The following ATP6V1G3 variants were observed in gnomAD, a reference collection of about 807,000 sequenced individuals.
ATP6V1G3 encodes ATPase H+ transporting V1 subunit G3.
In ATP6V1G3, 9 loss-of-function variants were observed where a neutral mutation model predicts 9.3. That is an observed-to-expected ratio of 0.97 (90% CI 0.59 to 1.69). ATP6V1G3 has a LOEUF of 1.69. ATP6V1G3 is among the 40% of genes most tolerant of loss of function. The pLI is 0.00. For missense variants in ATP6V1G3, 133 were observed against 139.0 expected (o/e 0.96, Z 0.22); for synonymous variants, 43 against 43.8 (o/e 0.98, Z 0.07).
intron 1 of ATP6V1G3, among the ~76,000 whole-genome samples, chr1:198,530,405 CTAAGTA>C (rs1455889510): frequency 6.6e-6 from 1 of 152,128 alleles, no homozygotes; most frequent in Admixed American, 6.6e-5. Context: ...TCTTTCCCTT[CTAAGTA>C]TGAGTTGCTT....
At chr1:198,525,090 C>T (rs1659602246) in intron 2 of ATP6V1G3, among the ~76,000 whole-genome samples, 3 of 152,082 alleles carry the variant, frequency 2.0e-5, no homozygotes, top group Non-Finnish European at 2.9e-5. Flanking sequence ...TGCAGAATAA[C>T]ATTTTGATAA....
chr1:198,529,196 AT>A lies in ATP6V1G3; in HGVS notation c.83-16del. ...CTTTCCTTTTCCTGAAAATTAACAA[AT>A]ATATATATATATATATATAATTATA... On this transcript the variant is annotated splice_polypyrimidine_tract_variant and intron_variant, in intron 1 of 2. Coordinates refer to ENST00000367382, the MANE Select transcript of ATP6V1G3 (RefSeq NM_001376861.1). The A allele has an allele frequency of 5.0e-6, 1 of 201,828 alleles. No homozygotes were observed. The highest frequency in any genetic ancestry group is 7.3e-6 in the Non-Finnish European group (1 of 136,688). 12.5% of individuals were successfully genotyped at this position (201,828 alleles called of 1,614,324 possible). A position where few individuals can be genotyped will look rare whatever the true frequency, so the allele number is the denominator to read the frequency against.
chr1:198,534,878 C>T (rs1290183827), intron 1 of ATP6V1G3, among the ~76,000 whole-genome samples: 1 of 152,122 alleles, frequency 6.6e-6, no homozygotes, highest in Non-Finnish European at 1.5e-5. Context: ...TCAAAGAATG[C>T]TATTATTTTT....
At chr1:198,529,948 G>GA (rs1659829319) in intron 1 of ATP6V1G3, among the ~76,000 whole-genome samples, 2 of 152,080 alleles carry the variant, frequency 1.3e-5, no homozygotes, top group East Asian at 1.9e-4. Flanking sequence ...CGAATACAAT[G>GA]CTGTGGTAAT....
intron 2 of ATP6V1G3, 145 bp from the exon 3 acceptor site, chr1:198,523,709 A>G: frequency 1.4e-6 from 1 of 690,172 alleles, no homozygotes; most frequent in South Asian, 2.3e-5. Flanking sequence ...CAACAAGATC[A>G]TCAATGCCAT....
intron 1 of ATP6V1G3, among the ~76,000 whole-genome samples, chr1:198,536,335 C>T (rs1011974111): frequency 3.3e-5 from 5 of 152,116 alleles, no homozygotes; most frequent in African/African-American, 1.2e-4. Flanking sequence ...GTCTCTGTTC[C>T]TCCTGTTGAT....
chr1:198,539,261 T>A (rs911692849), intron 1 of ATP6V1G3, among the ~76,000 whole-genome samples: 2 of 152,246 alleles, frequency 1.3e-5, no homozygotes, highest in African/African-American at 4.8e-5. Flanking sequence ...ACTGACTTTC[T>A]TATGTTGTAA....
rs1287705815 is a variant in ATP6V1G3, at chr1:198,533,399, G to C, written c.83-4218C>G. On this transcript the variant is annotated intron_variant, in intron 1 of 2. Coordinates refer to ENST00000367382, the MANE Select transcript of ATP6V1G3 (RefSeq NM_001376861.1). ...CAAGAAGATCAGTCTGAAATTTGTT[G>C]CAATTGTTCAGGCAAATTTAATAAT... 2.0e-5 allele frequency among the ~76,000 whole-genome samples: 3 copies of C among 152,066 alleles called. No homozygotes were observed. The South Asian group carries it at 6.2e-4, about 32-fold the overall frequency.
intron 1 of ATP6V1G3, among the ~76,000 whole-genome samples, chr1:198,536,494 TAAGTA>T (rs1660118760): frequency 6.6e-6 from 1 of 152,202 alleles, no homozygotes; most frequent in South Asian, 2.1e-4. Flanking sequence ...AACAATTTAT[TAAGTA>T]AAGAGCATTG....
intron 1 of ATP6V1G3, chr1:198,536,615 C>G (rs993375081): frequency 2.2e-6 from 3 of 1,358,378 alleles, no homozygotes; most frequent in African/African-American, 2.9e-5. Flanking sequence ...AGAGCTTTAA[C>G]TAATAAATAT....
chr1:198,538,891 C>CAAAAAAAAAAAAAAA (rs71569596), intron 1 of ATP6V1G3, among the ~76,000 whole-genome samples: 81 of 97,196 alleles, frequency 8.3e-4, no homozygotes, highest in African/African-American at 2.4e-3. Context: ...GACCCTGTCT[C>CAAAAAAAAAAAAAAA]AAAAAAAAAA....
chr1:198,540,576 G>A lies in ATP6V1G3; in HGVS notation c.75C>T (p.Ala25=), dbSNP rs2103149074. Residue 25 remains alanine (A), a synonymous_variant, in exon 1 of 3, where the codon GCC becomes GCT. Transcript: ENST00000367382. ...CTCACAGGTGAGACTTACTCTTCTT[G>A]GCTTCCTCTAGCTTGTCCTTGGCCC... ...EKRAKDKLEE[A]KKRKGKRLKQ... is the part of the protein sequence containing the mutation. 1 of 1,613,758 alleles carries A rather than the reference G, an allele frequency of 6.2e-7. No individual in the cohort carries two copies. Among genetic ancestry groups the A allele is most frequent in the Non-Finnish European group, 8.5e-7 (1 of 1,179,716 alleles).
chr1:198,533,686 A>G (rs79554100), intron 1 of ATP6V1G3, among the ~76,000 whole-genome samples: 2,850 of 152,266 alleles, frequency 0.019, 73 homozygotes, highest in African/African-American at 0.063. Flanking sequence ...GGAGTCATCA[A>G]CTTGAAGCTG....
Position 198,523,574 on chromosome 1 carries a change from C to T in ATP6V1G3, c.184-10G>A. ...TCTGAGAGCCCATTATCTACCAAAA[C>T]AAAACAGACAGAATTCACATCATAA... On this transcript the variant is annotated splice_polypyrimidine_tract_variant and intron_variant, in intron 2 of 2. Transcript: ENST00000367382. The T allele has an allele frequency of 1.2e-6, 2 of 1,606,856 alleles. No individual in the cohort carries two copies. Among genetic ancestry groups the T allele is most frequent in the Non-Finnish European group, 1.7e-6 (2 of 1,177,024 alleles).
At chr1:198,528,653 A>G (rs921133623) in intron 2 of ATP6V1G3, among the ~76,000 whole-genome samples, 5 of 152,130 alleles carry the variant, frequency 3.3e-5, no homozygotes, top group Admixed American at 1.3e-4. Flanking sequence ...ATTTGCAACA[A>G]TATCTACTTT....
chr1:198,540,531 G>A, intron 1 of ATP6V1G3, 38 bp downstream of exon 1: 2 of 1,589,280 alleles, frequency 1.3e-6, no homozygotes, highest in Middle Eastern at 1.7e-4. Context: ...CCACTGCTTT[G>A]TTTATTTCGT....
chr1:198,524,248 A>G (rs1173324951), intron 2 of ATP6V1G3, among the ~76,000 whole-genome samples: 1 of 150,904 alleles, frequency 6.6e-6, no homozygotes, highest in East Asian at 2.0e-4. Flanking sequence ...CCTCAGCCTC[A>G]CAAGTAGCTG....
In ATP6V1G3 at chr1:198,536,701, G is replaced by A. The variant is rs76330087; in HGVS notation, c.82+3868C>T. 5,923 of 1,606,386 alleles carry A rather than the reference G, an allele frequency of 3.7e-3. 154 individuals carry two copies. In the African/African-American group the frequency reaches 0.064, roughly 17 times the overall value. On this transcript the variant is annotated intron_variant, in intron 1 of 2. Transcript: ENST00000367382. Reference sequence around the variant, plus strand: ...TACCAGAAGCAGTCCCAGTCTCTTCGTTTTAGGAAAAGTAGATGCAGAACT... The same window carrying A: ...TACCAGAAGCAGTCCCAGTCTCTTCATTTTAGGAAAAGTAGATGCAGAACT...
At chr1:198,536,522 A>G (rs1030268432) in intron 1 of ATP6V1G3, among the ~76,000 whole-genome samples, 1 of 152,230 alleles carries the variant, frequency 6.6e-6, no homozygotes, top group African/African-American at 2.4e-5. Context: ...TCTAGGTAAG[A>G]TAATTTAAAG....
Sources: gnomAD v4.1 joint callset for allele counts (sites outside exome capture counted in the v4.1 genomes callset) on GRCh38, gnomAD v4.1.1 for gene constraint, MANE v1.5 for transcripts, NCBI Gene and HGNC (gene_info 2026-07-23, HGNC 2026-07-21) for gene names.